SLC16A10: variants seen among roughly 807,000 people sequenced by gnomAD.
SLC16A10 encodes monocarboxylate transporter 10.
In SLC16A10, 27 loss-of-function variants were observed where a neutral mutation model predicts 40.0. That is an observed-to-expected ratio of 0.67 (90% confidence interval 0.50 to 0.93). The LOEUF is 0.93. SLC16A10 is among the 40% of genes least tolerant of loss of function. The pLI is 0.00. For synonymous variants in SLC16A10, 213 were observed against 249.8 expected (o/e 0.85, Z 1.39); for missense variants, 529 against 658.2 (o/e 0.80, Z 2.15).
chr6:111,102,604 C>T (rs1771209010), intron 1 of SLC16A10, among the ~76,000 whole-genome samples: 1 of 152,162 alleles, frequency 6.6e-6, no homozygotes, highest in African/African-American at 2.4e-5. Flanking sequence ...CCTGACACAT[C>T]TTGGCAGGTA....
At chr6:111,135,322 G>A (rs1296672439) in intron 1 of SLC16A10, among the ~76,000 whole-genome samples, 4 of 152,056 alleles carry the variant, frequency 2.6e-5, no homozygotes, top group Non-Finnish European at 5.9e-5. Context: ...TAGACTGGAG[G>A]CCCACCAAGG....
In SLC16A10 at chr6:111,228,284, C is replaced by T. The variant is rs995642004; in HGVS notation, c.*6049C>T. 2 of 152,178 alleles carry T rather than the reference C, an allele frequency of 1.3e-5. No individual in the cohort carries two copies. The highest frequency in any genetic ancestry group is 2.9e-5 in the Non-Finnish European group (2 of 68,030). 9.4% of individuals were successfully genotyped at this position (152,178 alleles called of 1,614,324 possible). On this transcript the variant is annotated 3_prime_UTR_variant, in exon 6 of 6. Transcript: ENST00000368851. ...ACCTGACAACTTACACATTAAACTC[C>T]TGTAAGAGACACTCCTTCCTAGTAG...
At chr6:111,162,423 A>G (rs1772387181) in intron 1 of SLC16A10, among the ~76,000 whole-genome samples, 1 of 152,176 alleles carries the variant, frequency 6.6e-6, no homozygotes, top group South Asian at 2.1e-4. Context: ...TTCTTTATTC[A>G]CCACAGATTA....
chr6:111,131,774 C>T (rs2114489934), intron 1 of SLC16A10, among the ~76,000 whole-genome samples: 1 of 152,306 alleles, frequency 6.6e-6, no homozygotes, highest in African/African-American at 2.4e-5. Context: ...AGCTGTTGTC[C>T]TGAACTCCTG....
chr6:111,214,648 C>A (rs1773393711), intron 4 of SLC16A10, among the ~76,000 whole-genome samples: 1 of 152,122 alleles, frequency 6.6e-6, no homozygotes, highest in Non-Finnish European at 1.5e-5. Flanking sequence ...AAGTATTTTT[C>A]TGAGAAGTAC....
intron 1 of SLC16A10, among the ~76,000 whole-genome samples, chr6:111,122,131 G>A (rs867245860): frequency 2.6e-5 from 4 of 152,200 alleles, no homozygotes; most frequent in African/African-American, 7.2e-5. Flanking sequence ...GGAGGGTTGG[G>A]ATCAGGCGTC....
chr6:111,118,542 G>A (rs1472515532), intron 1 of SLC16A10, among the ~76,000 whole-genome samples: 7 of 151,992 alleles, frequency 4.6e-5, no homozygotes, highest in Non-Finnish European at 8.8e-5. Context: ...TTAGCTGGGC[G>A]TGCTGGTGCA....
chr6:111,117,351 C>CAA (rs35235587), intron 1 of SLC16A10, among the ~76,000 whole-genome samples: 21 of 73,394 alleles, frequency 2.9e-4, no homozygotes, highest in East Asian at 1.1e-3. Flanking sequence ...GACTCCGTCT[C>CAA]AAAAAAAAAA....
At chr6:111,140,431 C>G (rs1771961292) in intron 1 of SLC16A10, among the ~76,000 whole-genome samples, 1 of 151,954 alleles carries the variant, frequency 6.6e-6, no homozygotes, top group South Asian at 2.1e-4. Flanking sequence ...CCACTGCACT[C>G]CAGCCTGGGC....
intron 1 of SLC16A10, among the ~76,000 whole-genome samples, chr6:111,096,224 C>G (rs1320017493): frequency 6.6e-6 from 1 of 152,198 alleles, no homozygotes; most frequent in African/African-American, 2.4e-5. Context: ...GTCTCCTACT[C>G]AAGTCATCAG....
At chr6:111,119,591 A>G (rs1771547922) in intron 1 of SLC16A10, among the ~76,000 whole-genome samples, 1 of 152,246 alleles carries the variant, frequency 6.6e-6, no homozygotes, top group Non-Finnish European at 1.5e-5. Flanking sequence ...CATCACTGCC[A>G]GTAGAAATAT....
intron 1 of SLC16A10, among the ~76,000 whole-genome samples, chr6:111,091,686 T>TTTTTTTTTTTTTTTTTTTTTTTTG (rs1562393832): frequency 6.6e-6 from 1 of 152,210 alleles, no homozygotes; most frequent in African/African-American, 2.4e-5. Context: ...GAGCCTTTCT[T>TTTTTTTTTTTTTTTTTTTTTTTTG]AGGCTCACTT....
At chr6:111,202,014 T>TA (rs1302279750) in intron 3 of SLC16A10, among the ~76,000 whole-genome samples, 4 of 152,222 alleles carry the variant, frequency 2.6e-5, no homozygotes, top group African/African-American at 9.6e-5. Context: ...CCAAATGTCT[T>TA]ACACTGTGGC....
rs371082490 is a variant in SLC16A10, at chr6:111,146,601, T to TG, written c.344-26087dup. On this transcript the variant is annotated intron_variant, in intron 1 of 5. Transcript: ENST00000368851. ...AATACAAAAAATTAGCTGGGCGTGG[T>TG]GGGGGGGCGCCTGTAGTCCCAGCTA... Among the ~76,000 whole-genome samples, 393 of 151,140 alleles carry TG rather than the reference T, an allele frequency of 2.6e-3. 2 individuals are homozygous for TG. Among genetic ancestry groups the TG allele is most frequent in the African/African-American group, 8.8e-3 (360 of 41,088 alleles).
At chr6:111,127,709 A>C (rs1407484069) in intron 1 of SLC16A10, among the ~76,000 whole-genome samples, 1 of 152,198 alleles carries the variant, frequency 6.6e-6, no homozygotes, top group African/African-American at 2.4e-5. Context: ...TTTTTGCAGC[A>C]GTCATCTCTA....
At chr6:111,113,563 AT>A (rs569940769) in intron 1 of SLC16A10, among the ~76,000 whole-genome samples, 44 of 152,312 alleles carry the variant, frequency 2.9e-4, no homozygotes, top group Non-Finnish European at 6.0e-4. Context: ...TCTTATGTAC[AT>A]TCAGCAAAAT....
intron 1 of SLC16A10, among the ~76,000 whole-genome samples, chr6:111,164,025 T>G (rs1772426519): frequency 6.6e-6 from 1 of 152,232 alleles, no homozygotes; most frequent in Non-Finnish European, 1.5e-5. Flanking sequence ...AAGAAAACCT[T>G]GTTCTTTTAT....
intron 1 of SLC16A10, among the ~76,000 whole-genome samples, chr6:111,140,879 G>A (rs748285941): frequency 2.0e-4 from 30 of 152,146 alleles, no homozygotes; most frequent in Non-Finnish European, 3.2e-4. Flanking sequence ...TCAACTTCCC[G>A]GGCTCCAGTG....
intron 1 of SLC16A10, among the ~76,000 whole-genome samples, chr6:111,139,896 T>C (rs557957424): frequency 1.3e-5 from 2 of 152,322 alleles, no homozygotes; most frequent in African/African-American, 4.8e-5. Context: ...TAAGCATTCC[T>C]TTTTCTCTAC....
Sources: allele counts gnomAD v4.1 joint callset (sites outside exome capture counted in the v4.1 genomes callset), GRCh38; gene constraint gnomAD v4.1.1; transcripts MANE v1.5; gene names NCBI Gene and HGNC (gene_info 2026-07-23, HGNC 2026-07-21).